Variants in PPP2R5A observed in about 807,000 individuals in gnomAD.
The protein encoded by PPP2R5A is serine/threonine-protein phosphatase 2A 56 kDa regulatory subunit alpha isoform.
PPP2R5A carries 25 observed loss-of-function variants against 64.2 expected under a neutral mutation model. The ratio of observed to expected loss-of-function variants is 0.39; its 90% confidence interval spans 0.28 to 0.54. PPP2R5A has a LOEUF of 0.54. Ranked by LOEUF, PPP2R5A falls within the 20% of genes least tolerant of loss-of-function variation. The pLI is 0.67. For synonymous variants in PPP2R5A, 198 were observed against 201.2 expected (o/e 0.98, Z 0.13); for missense variants, 425 against 576.3 (o/e 0.74, Z 2.69).
At chr1:212,297,092 T>C (rs955526069) in intron 1 of PPP2R5A, among the ~76,000 whole-genome samples, 1 of 123,178 alleles carries the variant, frequency 8.1e-6, no homozygotes, top group East Asian at 2.2e-4. Flanking sequence ...TTTCTTTGCT[T>C]CTTCTTTTTT....
intron 4 of PPP2R5A, among the ~76,000 whole-genome samples, chr1:212,345,104 G>A (rs1659751032): frequency 6.7e-6 from 1 of 149,766 alleles, no homozygotes; most frequent in Non-Finnish European, 1.5e-5. Context: ...GGTCGAGGCT[G>A]CAGTGAGTTG....
At chr1:212,360,544 G>A in intron 12 of PPP2R5A, 94 bp from the exon 13 acceptor site, 1 of 1,096,860 alleles carries the variant, frequency 9.1e-7, no homozygotes, top group Non-Finnish European at 1.3e-6. Context: ...GTGAAATGTG[G>A]GTAAGTAATG....
intron 4 of PPP2R5A, 152 bp downstream of exon 4, chr1:212,342,432 T>C: frequency 9.2e-7 from 1 of 1,085,516 alleles, no homozygotes; most frequent in Non-Finnish European, 1.2e-6. Flanking sequence ...AAAGTGAAGT[T>C]AGCTCTGAGA....
chr1:212,342,039 T>A (rs188773406), intron 3 of PPP2R5A, 149 bp from the exon 4 acceptor site: 215 of 1,160,370 alleles, frequency 1.9e-4, no homozygotes, highest in East Asian at 3.5e-4. Context: ...TTAAAAAAAA[T>A]TTTTTTTATC....
intron 1 of PPP2R5A, among the ~76,000 whole-genome samples, chr1:212,303,778 C>T (rs1486404009): frequency 6.6e-6 from 1 of 152,178 alleles, no homozygotes; most frequent in South Asian, 2.1e-4. Context: ...TATCTCCACA[C>T]CACTTGTTGA....
At chr1:212,355,563 G>C (rs1489929021) in intron 8 of PPP2R5A, among the ~76,000 whole-genome samples, 1 of 151,946 alleles carries the variant, frequency 6.6e-6, no homozygotes, top group African/African-American at 2.4e-5. Flanking sequence ...AATGATTGCT[G>C]GTGGTTTCTG....
intron 1 of PPP2R5A, among the ~76,000 whole-genome samples, chr1:212,308,662 G>A (rs577558319): frequency 6.6e-6 from 1 of 152,148 alleles, no homozygotes; most frequent in South Asian, 2.1e-4. Context: ...TCCCGCCTCG[G>A]CCTCCCAAAG....
chr1:212,308,952 A>G (rs1658971848), intron 1 of PPP2R5A: 3 of 568,020 alleles, frequency 5.3e-6, no homozygotes, highest in Non-Finnish European at 9.3e-6. Flanking sequence ...CTATCTCTTT[A>G]TGATATTCTC....
intron 1 of PPP2R5A, among the ~76,000 whole-genome samples, chr1:212,289,575 G>T (rs768558917): frequency 2.0e-5 from 3 of 152,292 alleles, no homozygotes; most frequent in Non-Finnish European, 4.4e-5. Context: ...GGTCTCTGGG[G>T]TTAGTCCTGG....
At chr1:212,304,766 T>G (rs2102416392) in intron 1 of PPP2R5A, among the ~76,000 whole-genome samples, 1 of 135,562 alleles carries the variant, frequency 7.4e-6, no homozygotes, top group Middle Eastern at 3.9e-3. Context: ...AGAGTCTCAC[T>G]CTGTTGCCCA....
At chr1:212,329,469 C>T in intron 2 of PPP2R5A, 138 bp downstream of exon 2, 1 of 720,920 alleles carries the variant, frequency 1.4e-6, no homozygotes, top group South Asian at 2.2e-5. Flanking sequence ...CATACCCCAT[C>T]CATTCCAATG....
At chr1:212,348,543 G>C (rs1248587824) in intron 7 of PPP2R5A, 46 bp downstream of exon 7, 2 of 1,319,914 alleles carry the variant, frequency 1.5e-6, no homozygotes, top group African/African-American at 3.0e-5. Flanking sequence ...TATTTCAAAG[G>C]CCAATATAAA....
chr1:212,324,125 C>T (rs1571594321), intron 1 of PPP2R5A, among the ~76,000 whole-genome samples: 1 of 151,864 alleles, frequency 6.6e-6, no homozygotes, highest in Admixed American at 6.6e-5. Flanking sequence ...TTATGCTTAA[C>T]GATGGGGCTA....
intron 2 of PPP2R5A, among the ~76,000 whole-genome samples, chr1:212,332,209 T>C (rs1288149957): frequency 1.3e-5 from 2 of 152,210 alleles, no homozygotes; most frequent in South Asian, 2.1e-4. Context: ...TTATTACTTA[T>C]TAAGTCTTAA....
intron 1 of PPP2R5A, among the ~76,000 whole-genome samples, chr1:212,300,124 T>C (rs1658772882): frequency 6.6e-6 from 1 of 152,134 alleles, no homozygotes; most frequent in Non-Finnish European, 1.5e-5. Flanking sequence ...CCATAAAAAA[T>C]TTTGATTATT....
intron 1 of PPP2R5A, among the ~76,000 whole-genome samples, chr1:212,316,779 TG>T (rs1157688586): frequency 6.6e-6 from 1 of 152,068 alleles, no homozygotes; most frequent in African/African-American, 2.4e-5. Flanking sequence ...AAAAAATTAC[TG>T]TAAGAGTTGG....
chr1:212,285,827 A>T lies in PPP2R5A; in HGVS notation c.-284A>T. On this transcript the variant is annotated 5_prime_UTR_variant, in exon 1 of 13. Coordinates refer to ENST00000261461, the MANE Select transcript of PPP2R5A (RefSeq NM_006243.4). ...TCTTCCACCCGCTCTGCGCGCCCAG[A>T]GTCAACAACTTCTTCACCCCCCTCC... 1 of 331,286 alleles carries T rather than the reference A, an allele frequency of 3.0e-6. No individual in the cohort carries two copies. 20.5% of individuals were successfully genotyped at this position (331,286 alleles called of 1,614,324 possible).
chr1:212,291,397 TAAAACAAAAC>T (rs766137832), intron 1 of PPP2R5A, among the ~76,000 whole-genome samples: 60 of 152,246 alleles, frequency 3.9e-4, no homozygotes, highest in African/African-American at 1.3e-3. Context: ...CTGGAGAGTT[TAAAACAAAAC>T]AAAACAAAAC....
At chr1:212,317,329 TG>T (rs1320751749) in intron 1 of PPP2R5A, among the ~76,000 whole-genome samples, 3 of 139,670 alleles carry the variant, frequency 2.1e-5, no homozygotes, top group Non-Finnish European at 4.7e-5. Flanking sequence ...GAATCTCTAA[TG>T]GGTAACGATT....
Sources: allele counts gnomAD v4.1 joint callset (sites outside exome capture counted in the v4.1 genomes callset), GRCh38; gene constraint gnomAD v4.1.1; transcripts MANE v1.5; gene names NCBI Gene and HGNC (gene_info 2026-07-23, HGNC 2026-07-21).